Variants in POLR1B observed in about 807,000 individuals in gnomAD.
The protein encoded by POLR1B is RNA polymerase I subunit B.
Under a neutral mutation model 105.8 loss-of-function variants are expected in POLR1B, and 30 were observed. That is an observed-to-expected ratio of 0.28 (90% CI 0.21 to 0.38). The LOEUF (loss-of-function observed/expected upper bound fraction) is 0.38, where lower values mean the gene tolerates loss of function less well. Among genes scored for constraint, POLR1B ranks in the 10% least tolerant of loss-of-function variants. The pLI, the probability that POLR1B is intolerant of heterozygous loss-of-function variation, is 1.00. For missense variants in POLR1B, 976 were observed against 1,435.8 expected (o/e 0.68, Z 5.17); for synonymous variants, 485 against 505.1 (o/e 0.96, Z 0.53).
At chr2:112,544,129 A>G (rs187532146) in intron 1 of POLR1B, among the ~76,000 whole-genome samples, 3 of 151,804 alleles carry the variant, frequency 2.0e-5, no homozygotes, top group Non-Finnish European at 4.4e-5. Flanking sequence ...GAAAAGCACT[A>G]ATTTAAAAAT....
intron 12 of POLR1B, among the ~76,000 whole-genome samples, chr2:112,569,492 T>G (rs1684476573): frequency 6.6e-6 from 1 of 152,244 alleles, no homozygotes; most frequent in Admixed American, 6.5e-5. Flanking sequence ...AAAGTTGTTG[T>G]TACACTGTCT....
rs202050162 is a variant in POLR1B, at chr2:112,547,671, T to C, written c.492+104T>C. On this transcript the variant is annotated intron_variant, in intron 3 of 14. Transcript: ENST00000263331. ...TTCTTTCTGTGCTCCAATTTCTGGATAGGTGAAAGAGATATCAGTATCTTG... is the reference window on the plus strand; with the variant it reads ...TTCTTTCTGTGCTCCAATTTCTGGACAGGTGAAAGAGATATCAGTATCTTG... 6 of 1,305,030 alleles carry C rather than the reference T, an allele frequency of 4.6e-6. No individual in the cohort carries two copies. In the East Asian group the frequency reaches 1.4e-4, roughly 31 times the overall value. 80.8% of individuals were successfully genotyped at this position (1,305,030 alleles called of 1,614,324 possible).
rs575060195 is a variant in POLR1B, at chr2:112,547,576, G to A, written c.492+9G>A. 7.3e-5 allele frequency: 117 copies of A among 1,613,162 alleles called. No individual in the cohort carries two copies. The South Asian group carries it at 1.2e-3, about 17-fold the overall frequency. ...ACCATGAGGAGGCAGAGGTAATGAC[G>A]GGCGTCCAGGCATGAGACAGTAGAG... is the stretch of plus-strand genomic sequence containing the variant. On this transcript the variant is annotated intron_variant, in intron 3 of 14. Coordinates refer to ENST00000263331, the MANE Select transcript of POLR1B (RefSeq NM_019014.6).
chr2:112,551,469 A>C (rs1337551587), intron 5 of POLR1B, among the ~76,000 whole-genome samples: 1 of 152,162 alleles, frequency 6.6e-6, no homozygotes, highest in Non-Finnish European at 1.5e-5. Context: ...GCCCTTTGTG[A>C]TCTAGCCCTG....
At position 112,577,831 on chromosome 2, in the gene POLR1B, C is replaced by CA. The variant is rs3980076; in HGVS notation, c.*2123dup. ...TGGGCGACAGAATGAGACCCTGTCT[C>CA]AAAAAAAAAAAAAAAAAAAAAGCGG... is the stretch of plus-strand genomic sequence containing the variant. On this transcript the variant is annotated 3_prime_UTR_variant, in exon 15 of 15. Transcript: ENST00000263331. Among the ~76,000 whole-genome samples the CA allele has an allele frequency of 7.4e-3, 739 of 100,188 alleles. 11 individuals are homozygous for CA. Among genetic ancestry groups the CA allele is most frequent in the East Asian group, 9.7e-3 (33 of 3,410 alleles). 65.7% of individuals were successfully genotyped at this position (100,188 alleles called of 152,430 possible). A position where few individuals can be genotyped will look rare whatever the true frequency, so the allele number is the denominator to read the frequency against.
At chr2:112,568,929 C>A in intron 12 of POLR1B, 27 bp downstream of exon 12, 2 of 1,597,852 alleles carry the variant, frequency 1.3e-6, no homozygotes, top group South Asian at 1.1e-5. Flanking sequence ...ATGTTACAGT[C>A]ACAATCAGGA....
At position 112,575,900 on chromosome 2, in the gene POLR1B, T is replaced by C. The variant is rs1558668443; in HGVS notation, c.*171T>C. 1.6e-6 allele frequency: 1 copy of C among 625,052 alleles called. No homozygotes were observed. The highest frequency in any genetic ancestry group is 2.2e-5 in the South Asian group (1 of 45,628). 38.7% of individuals were successfully genotyped at this position (625,052 alleles called of 1,614,324 possible). A position where few individuals can be genotyped will look rare whatever the true frequency, so the allele number is the denominator to read the frequency against. ...AAGGTTTCTGAATCTCTCTGGTAGATTAACTATTGACAATGATTTTCTGTT... is the reference window on the plus strand; with the variant it reads ...AAGGTTTCTGAATCTCTCTGGTAGACTAACTATTGACAATGATTTTCTGTT... On this transcript the variant is annotated 3_prime_UTR_variant, in exon 15 of 15. Transcript: ENST00000263331. This position sits in a 1 kb window ranked among gnomAD's most constrained non-coding sequence, Gnocchi z 5.3.
chr2:112,573,212 C>T (rs1327500897), intron 13 of POLR1B, among the ~76,000 whole-genome samples: 2 of 152,242 alleles, frequency 1.3e-5, no homozygotes, highest in African/African-American at 2.4e-5. Flanking sequence ...AAGCAGTTCT[C>T]CTGCCTCAGC....
At chr2:112,543,910 C>T (rs1472398992) in intron 1 of POLR1B, among the ~76,000 whole-genome samples, 1 of 151,856 alleles carries the variant, frequency 6.6e-6, no homozygotes, top group Non-Finnish European at 1.5e-5. Context: ...ATAGTGAAAC[C>T]CCATCTCCAC....
Position 112,558,004 on chromosome 2 carries a change from G to T in POLR1B, c.1253G>T (p.Arg418Met). Residue 418 changes from arginine to methionine, a missense_variant, in exon 8 of 15, where the codon AGG becomes ATG. By Grantham distance (91) the Arg-to-Met change is moderately conservative. This residue lies in a region of POLR1B where 452 missense variants were observed against 616.5 expected (regional missense o/e 0.73). Transcript: ENST00000263331. ...SVSMNTDNLM[R>M]IFTMGIDLTK... ...TCCATGAACACTGACAATTTGATGA[G>T]GATTTTTACAATGGGCATAGACCTT... 1.4e-6 allele frequency: 2 copies of T among 1,427,934 alleles called. No individual in the cohort carries two copies. The highest frequency in any genetic ancestry group is 1.7e-5 in the South Asian group (1 of 57,458). 88.5% of individuals were successfully genotyped at this position (1,427,934 alleles called of 1,614,324 possible). A position where few individuals can be genotyped will look rare whatever the true frequency, so the allele number is the denominator to read the frequency against.
intron 1 of POLR1B, among the ~76,000 whole-genome samples, chr2:112,544,103 CA>C (rs1682914120): frequency 6.6e-6 from 1 of 151,372 alleles, no homozygotes; most frequent in Non-Finnish European, 1.5e-5. Flanking sequence ...AAAAAAAATC[CA>C]ATTGAGAAAT....
chr2:112,555,508 C>G (rs577632585), intron 7 of POLR1B, among the ~76,000 whole-genome samples: 4 of 151,982 alleles, frequency 2.6e-5, no homozygotes, highest in Admixed American at 6.5e-5. Flanking sequence ...AAAATTTAGC[C>G]AGGCCTGGTG....
chr2:112,563,091 G>A (rs1376262225), intron 9 of POLR1B, among the ~76,000 whole-genome samples: 1 of 111,784 alleles, frequency 8.9e-6, no homozygotes, highest in African/African-American at 3.5e-5. Context: ...GTCTTGCTCT[G>A]TCACCCAGGC....
In POLR1B at chr2:112,568,731, C is replaced by T; in HGVS notation, c.1918-15C>T. On this transcript the variant is annotated splice_polypyrimidine_tract_variant and intron_variant, in intron 11 of 14. Transcript: ENST00000263331. The stretch of plus-strand genomic sequence containing the variant: ...AGTTGCAGTTATTTTGTGCCTTGGA[C>T]ATCTGCTCTTCCAGATCTTCATGAA... 6.2e-7 allele frequency: 1 copy of T among 1,612,852 alleles called. No individual in the cohort carries two copies. Among genetic ancestry groups the T allele is most frequent in the Non-Finnish European group, 8.5e-7 (1 of 1,179,466 alleles).
intron 12 of POLR1B, among the ~76,000 whole-genome samples, chr2:112,570,536 C>T (rs539876464): frequency 1.3e-5 from 2 of 152,304 alleles, no homozygotes; most frequent in East Asian, 1.9e-4. Flanking sequence ...GAGACTACTA[C>T]ACACCTAGTA....
chr2:112,564,209 G>A, intron 9 of POLR1B, 157 bp from the exon 10 acceptor site: 1 of 806,454 alleles, frequency 1.2e-6, no homozygotes, highest in Non-Finnish European at 1.9e-6. Context: ...TGAAATATCT[G>A]AAGTGCAGTT....
intron 1 of POLR1B, chr2:112,545,791 C>T (rs1471154151): frequency 5.5e-6 from 2 of 362,602 alleles, no homozygotes; most frequent in East Asian, 1.2e-4. Context: ...AGGCGTGCAC[C>T]ACTATGCCCG....
chr2:112,554,725 A>T (rs1377656745), intron 7 of POLR1B: 1 of 152,244 alleles, frequency 6.6e-6, no homozygotes, highest in Admixed American at 6.5e-5. Flanking sequence ...TCAATTCCTA[A>T]TTAGGAAAAA....
chr2:112,558,589 C>G (rs983124833), intron 8 of POLR1B, among the ~76,000 whole-genome samples: 1 of 151,324 alleles, frequency 6.6e-6, no homozygotes, highest in African/African-American at 2.4e-5. Flanking sequence ...ACCCTAGAAA[C>G]TTAAAAAGTG....
Sources: gnomAD v4.1 joint callset for allele counts (sites outside exome capture counted in the v4.1 genomes callset) on GRCh38, gnomAD v4.1.1 for gene constraint, gnomAD v4.1.1 regional missense constraint, Gnocchi (gnomAD v3.1) non-coding constraint, MANE v1.5 for transcripts, NCBI Gene and HGNC (gene_info 2026-07-23, HGNC 2026-07-21) for gene names.